Variants in DMC1 observed in about 807,000 individuals in gnomAD.
The protein encoded by DMC1 is DNA meiotic recombinase 1, also known as meiotic recombination protein DMC1 homolog.
Under a neutral mutation model 50.1 loss-of-function variants are expected in DMC1, and 27 were observed. The ratio of observed to expected loss-of-function variants is 0.54; its 90% CI spans 0.40 to 0.74. DMC1 has a LOEUF of 0.74. Among genes scored for constraint, DMC1 ranks in the 30% least tolerant of loss-of-function variants. The probability of loss-of-function intolerance (pLI) is 0.00; values close to 1 mark genes in which losing one functional copy is unlikely to be tolerated. For missense variants in DMC1, 295 were observed against 420.2 expected (o/e 0.70, Z 2.60); for synonymous variants, 148 against 136.1 (o/e 1.09, Z -0.61).
intron 8 of DMC1, among the ~76,000 whole-genome samples, chr22:38,539,884 G>A (rs1228592871): frequency 6.6e-6 from 1 of 152,026 alleles, no homozygotes; most frequent in Admixed American, 6.6e-5. Context: ...TTCAATAACT[G>A]CAAAGTGAAT....
chr22:38,556,215 T>G (rs1456916037), intron 5 of DMC1, among the ~76,000 whole-genome samples: 2 of 152,160 alleles, frequency 1.3e-5, no homozygotes, highest in African/African-American at 4.8e-5. Flanking sequence ...TTTTTCTTTT[T>G]CTTTTTTGAG....
chr22:38,550,339 G>A (rs1286866991), intron 7 of DMC1, among the ~76,000 whole-genome samples: 5 of 135,614 alleles, frequency 3.7e-5, no homozygotes, highest in African/African-American at 1.1e-4. Flanking sequence ...TTTTTGAGAC[G>A]AGTCTAGCTC....
chr22:38,568,457 G>A, intron 1 of DMC1, 168 bp from the exon 2 acceptor site: 1 of 601,452 alleles, frequency 1.7e-6, no homozygotes, highest in African/African-American at 1.9e-5. Context: ...TTTCTTGTGT[G>A]TGTGTGTGTG....
chr22:38,521,480 G>A, intron 13 of DMC1, 128 bp downstream of exon 13: 1 of 653,000 alleles, frequency 1.5e-6, no homozygotes, highest in East Asian at 3.1e-5. Context: ...AAGGTGGGAG[G>A]ATTGCTTGAG....
intron 8 of DMC1, among the ~76,000 whole-genome samples, chr22:38,545,185 G>C (rs949962120): frequency 5.9e-5 from 9 of 151,954 alleles, no homozygotes; most frequent in South Asian, 2.1e-4. Context: ...CAGGTGGGAG[G>C]ATCACTAGAG....
At chr22:38,555,877 G>C (rs1045672183) in intron 5 of DMC1, among the ~76,000 whole-genome samples, 1 of 151,670 alleles carries the variant, frequency 6.6e-6, no homozygotes, top group African/African-American at 2.4e-5. Context: ...TGTCGCCCAG[G>C]CTGGAATGCA....
chr22:38,525,552 C>T (rs182741867), intron 12 of DMC1, among the ~76,000 whole-genome samples: 1 of 152,030 alleles, frequency 6.6e-6, no homozygotes, highest in African/African-American at 2.4e-5. Context: ...AGGTGAAGAG[C>T]CTGAATGTTA....
chr22:38,536,296 T>C (rs979515567), intron 12 of DMC1, among the ~76,000 whole-genome samples: 7 of 152,122 alleles, frequency 4.6e-5, no homozygotes, highest in African/African-American at 1.7e-4. Flanking sequence ...GAGACAGTCT[T>C]GCTCTGTCTC....
the DMC1 span, among the ~76,000 whole-genome samples, chr22:38,510,289 A>C: frequency 6.6e-6 from 1 of 152,098 alleles, no homozygotes; most frequent in African/African-American, 2.4e-5. Context: ...CCCCGTCTCT[A>C]CTAAAAATAC....
chr22:38,550,407 G>A (rs868061107), intron 7 of DMC1, among the ~76,000 whole-genome samples: 22 of 147,662 alleles, frequency 1.5e-4, no homozygotes, highest in Admixed American at 2.7e-4. Context: ...TCCGCCTCCC[G>A]GGTTCAAGCA....
intron 12 of DMC1, 36 bp from the exon 13 acceptor site, chr22:38,521,760 ATGGAC>A: frequency 1.4e-6 from 2 of 1,409,062 alleles, no homozygotes; most frequent in Non-Finnish European, 2.0e-6. Context: ...GTTTCATCAT[ATGGAC>A]TATATATGGC....
intron 1 of DMC1, 113 bp from the exon 2 acceptor site, chr22:38,568,402 A>AAG: frequency 1.3e-6 from 1 of 760,360 alleles, no homozygotes; most frequent in Non-Finnish European, 2.3e-6. Context: ...TTAGCTTGGA[A>AAG]AGATGAGGCC....
At chr22:38,522,065 T>C (rs2090035056) in intron 12 of DMC1, among the ~76,000 whole-genome samples, 1 of 151,712 alleles carries the variant, frequency 6.6e-6, no homozygotes, top group Admixed American at 6.6e-5. Context: ...GATTCTCCTG[T>C]CTCAGCCTCC....
intron 12 of DMC1, among the ~76,000 whole-genome samples, chr22:38,530,593 G>A (rs1450650231): frequency 1.3e-5 from 2 of 152,014 alleles, no homozygotes; most frequent in Non-Finnish European, 2.9e-5. Context: ...ATAAGATGAT[G>A]CATAAAAGCA....
intron 4 of DMC1, among the ~76,000 whole-genome samples, chr22:38,564,607 G>C (rs906475791): frequency 1.3e-5 from 2 of 152,090 alleles, no homozygotes; most frequent in Non-Finnish European, 2.9e-5. Context: ...CACTGCACCT[G>C]GCCTGATACC....
At chr22:38,517,130 G>A (rs1395337230), downstream of DMC1, among the ~76,000 whole-genome samples, 1 of 152,236 alleles carries the variant, frequency 6.6e-6, no homozygotes, top group Non-Finnish European at 1.5e-5. Flanking sequence ...CTCTTCTGGA[G>A]TGTAAGGGCC....
chr22:38,535,799 G>A (rs2090205181), intron 12 of DMC1, among the ~76,000 whole-genome samples: 2 of 151,246 alleles, frequency 1.3e-5, no homozygotes, highest in South Asian at 4.2e-4. Flanking sequence ...GTAAAGACAG[G>A]GTTTTGCCAT....
intron 12 of DMC1, among the ~76,000 whole-genome samples, chr22:38,528,621 A>G (rs1471593737): frequency 6.6e-6 from 1 of 151,878 alleles, no homozygotes; most frequent in Non-Finnish European, 1.5e-5. Context: ...CCCTATCTGT[A>G]CAAAAAATGC....
chr22:38,531,945 CT>C (rs1315162608), intron 12 of DMC1, among the ~76,000 whole-genome samples: 1 of 151,762 alleles, frequency 6.6e-6, no homozygotes, highest in Non-Finnish European at 1.5e-5. Flanking sequence ...AAAAGAACCC[CT>C]ATCTGACCTA....
Sources: gnomAD v4.1 joint callset for allele counts (sites outside exome capture counted in the v4.1 genomes callset) on GRCh38, gnomAD v4.1.1 for gene constraint, MANE v1.5 for transcripts, NCBI Gene and HGNC (gene_info 2026-07-23, HGNC 2026-07-21) for gene names.